The following KALRN variants were observed in gnomAD, a reference collection of about 807,000 sequenced individuals.
KALRN encodes kalirin RhoGEF kinase.
In KALRN, 70 loss-of-function variants were observed where a neutral mutation model predicts 353.7. The ratio of observed to expected loss-of-function variants is 0.20; its 90% CI spans 0.16 to 0.24. KALRN has a LOEUF of 0.24. Ranked by LOEUF, KALRN falls within the 10% of genes least tolerant of loss-of-function variation. The pLI is 1.00. For synonymous variants in KALRN, 1,391 were observed against 1,434.8 expected (o/e 0.97, Z 0.69); for missense variants, 2,791 against 3,756.7 (o/e 0.74, Z 6.72).
At chr3:124,617,978 A>G (rs1041083680) in intron 34 of KALRN, among the ~76,000 whole-genome samples, 1 of 152,150 alleles carries the variant, frequency 6.6e-6, no homozygotes, top group African/African-American at 2.4e-5. Flanking sequence ...AATAGGAGAA[A>G]AAGACTGGGG....
chr3:124,180,854 ACAC>A (rs140906312), intron 1 of KALRN, among the ~76,000 whole-genome samples: 3,098 of 152,032 alleles, frequency 0.02, 92 homozygotes, highest in African/African-American at 0.071. Context: ...GTAATGAACA[ACAC>A]TGTCCTCACT....
At chr3:124,166,607 T>G (rs1425938696) in intron 1 of KALRN, among the ~76,000 whole-genome samples, 1 of 152,208 alleles carries the variant, frequency 6.6e-6, no homozygotes, top group African/African-American at 2.4e-5. Flanking sequence ...GGGGACTCCC[T>G]CTCTCCAGGA....
chr3:124,330,281 C>G (rs896208111), intron 8 of KALRN, among the ~76,000 whole-genome samples: 17 of 148,938 alleles, frequency 1.1e-4, no homozygotes, highest in African/African-American at 4.4e-4. Context: ...CACACACACA[C>G]ACACACCCCA....
chr3:124,116,477 G>A (rs991468158), intron 1 of KALRN, among the ~76,000 whole-genome samples: 3 of 152,170 alleles, frequency 2.0e-5, no homozygotes, highest in Non-Finnish European at 4.4e-5. Context: ...ACTTGACAAA[G>A]TCATTCAGCC....
chr3:124,271,668 C>CTCTGCTCCCAGAGCTTGCCT (rs1180886546), intron 5 of KALRN, among the ~76,000 whole-genome samples: 1 of 152,214 alleles, frequency 6.6e-6, no homozygotes, highest in African/African-American at 2.4e-5. Context: ...CCTGCTGTCC[C>CTCTGCTCCCAGAGCTTGCCT]TCTGCTCCCA....
chr3:124,346,789 T>G (rs2082304879), intron 9 of KALRN, among the ~76,000 whole-genome samples: 1 of 152,134 alleles, frequency 6.6e-6, no homozygotes, highest in African/African-American at 2.4e-5. Flanking sequence ...ACTACCTAAT[T>G]TCCTGCCAAT....
At chr3:124,693,910 C>A in intron 52 of KALRN, 79 bp downstream of exon 52, 1 of 989,152 alleles carries the variant, frequency 1.0e-6, no homozygotes, top group Non-Finnish European at 1.5e-6. Context: ...AAAGCACTGG[C>A]TGTAAGCAAT....
rs1307640945 is a variant in KALRN, at chr3:124,462,552, T to C, written c.3950T>C (p.Val1317Ala). ...TACCTGTGGGAAATGACCAGTGGTG[T>C]GGAGGAGATCCCCCCTGGGATCCTC... Reference protein sequence around the residue: ...ETYLWEMTSGVEEIPPGILNK... With the variant: ...ETYLWEMTSGAEEIPPGILNK... The change falls in exon 25 of 60, where the codon GTG becomes GCG. Residue 1317 changes from valine (V) to alanine (A), a missense_variant. By Grantham distance (64) the Val-to-Ala change is moderately conservative (BLOSUM62 0). This residue lies in a region of KALRN where 268 missense variants were observed against 347.0 expected (regional missense o/e 0.77). Coordinates refer to ENST00000682506, the MANE Select transcript of KALRN (RefSeq NM_001388419.1). The C allele has an allele frequency of 2.5e-6, 4 of 1,610,906 alleles. No homozygotes were observed. In the South Asian group the frequency reaches 3.3e-5, roughly 13 times the overall value.
At chr3:124,350,235 T>C (rs1285349635) in intron 10 of KALRN, among the ~76,000 whole-genome samples, 1 of 152,232 alleles carries the variant, frequency 6.6e-6, no homozygotes, top group African/African-American at 2.4e-5. Context: ...ACCTTCTCAC[T>C]GATGCCTGAT....
intron 10 of KALRN, among the ~76,000 whole-genome samples, chr3:124,378,165 A>T (rs2086846061): frequency 6.6e-6 from 1 of 151,430 alleles, no homozygotes; most frequent in Non-Finnish European, 1.5e-5. Context: ...TATTTTTATG[A>T]TCCCATTTGA....
At chr3:124,272,506 T>A (rs1258047464) in intron 5 of KALRN, among the ~76,000 whole-genome samples, 2 of 152,122 alleles carry the variant, frequency 1.3e-5, no homozygotes, top group Non-Finnish European at 2.9e-5. Context: ...AGGTTTAGAA[T>A]GTCTGTTGTG....
intron 1 of KALRN, among the ~76,000 whole-genome samples, chr3:124,049,369 G>A (rs532260667): frequency 1.1e-4 from 17 of 152,250 alleles, no homozygotes; most frequent in Middle Eastern, 3.4e-3. Context: ...GGCCAAACCC[G>A]GTAATATGCC....
At position 124,442,066 on chromosome 3, in the gene KALRN, G is replaced by A; in HGVS notation, c.3313+7G>A. On this transcript the variant is annotated splice_region_variant and intron_variant, in intron 19 of 59. Coordinates refer to ENST00000682506, the MANE Select transcript of KALRN (RefSeq NM_001388419.1). ...CCCGAGCAACAAGTGAAAGGTCAGT[G>A]AGAGACCTGCCCAGCCACCAGTCAC... 6.4e-7 allele frequency: 1 copy of A among 1,572,134 alleles called. No homozygotes were observed. The highest frequency in any genetic ancestry group is 1.4e-5 in the African/African-American group (1 of 73,650).
At chr3:124,353,422 A>T (rs1413517225) in intron 10 of KALRN, among the ~76,000 whole-genome samples, 1 of 152,210 alleles carries the variant, frequency 6.6e-6, no homozygotes, top group Non-Finnish European at 1.5e-5. Flanking sequence ...AGAGTTCCAC[A>T]GTTTCTGTCT....
intron 49 of KALRN, 72 bp from the exon 50 acceptor site, chr3:124,678,118 G>T (rs2087399316): frequency 6.5e-7 from 1 of 1,532,764 alleles, no homozygotes; most frequent in African/African-American, 1.4e-5. Flanking sequence ...CTCACCCAAG[G>T]GTGGTGAGCC....
At chr3:124,086,851 C>T (rs752841503) in intron 1 of KALRN, among the ~76,000 whole-genome samples, 5 of 152,130 alleles carry the variant, frequency 3.3e-5, no homozygotes, top group Non-Finnish European at 7.4e-5. Flanking sequence ...TAAATATAAG[C>T]AAATCAGAAT....
At chr3:124,152,829 C>T in intron 1 of KALRN, 1 of 246,880 alleles carries the variant, frequency 4.1e-6, no homozygotes, top group South Asian at 6.8e-5. Context: ...CTTGGCCAAG[C>T]TTGTCTTGAA....
At chr3:124,214,133 C>CAT (rs939683789) in intron 1 of KALRN, among the ~76,000 whole-genome samples, 1 of 151,842 alleles carries the variant, frequency 6.6e-6, no homozygotes, top group African/African-American at 2.4e-5. Context: ...CTGCTGTGTA[C>CAT]ATATATATAT....
intron 1 of KALRN, among the ~76,000 whole-genome samples, chr3:124,216,739 C>T (rs1042505825): frequency 6.6e-6 from 1 of 152,206 alleles, no homozygotes; most frequent in Non-Finnish European, 1.5e-5. Context: ...AAAGAAATAG[C>T]AGACATTATG....
Sources: allele counts gnomAD v4.1 joint callset (sites outside exome capture counted in the v4.1 genomes callset), GRCh38; gene constraint gnomAD v4.1.1; regional missense constraint gnomAD v4.1.1; transcripts MANE v1.5; gene names NCBI Gene and HGNC (gene_info 2026-07-23, HGNC 2026-07-21).